YTHDF3: variants seen among roughly 807,000 people sequenced by gnomAD.
The protein encoded by YTHDF3 is YTH domain-containing family protein 3.
Under a neutral mutation model 52.5 loss-of-function variants are expected in YTHDF3, and 9 were observed. The ratio of observed to expected loss-of-function variants is 0.17; its 90% CI spans 0.10 to 0.30. The LOEUF is 0.30. Among genes scored for constraint, YTHDF3 ranks in the 10% least tolerant of loss-of-function variants. The pLI is 1.00. For missense variants in YTHDF3, 534 were observed against 715.0 expected (o/e 0.75, Z 2.89); for synonymous variants, 274 against 243.3 (o/e 1.13, Z -1.18).
At chr8:63,178,910 T>C (rs984486119) in intron 3 of YTHDF3, among the ~76,000 whole-genome samples, 1 of 152,224 alleles carries the variant, frequency 6.6e-6, no homozygotes, top group Non-Finnish European at 1.5e-5. Context: ...CTGGCAAATT[T>C]AGAGTTACAC....
chr8:63,205,362 A>G (rs1478327142), intron 4 of YTHDF3, among the ~76,000 whole-genome samples: 1 of 152,130 alleles, frequency 6.6e-6, no homozygotes, highest in African/African-American at 2.4e-5. Context: ...TGTTAACTAT[A>G]CAGTACCTCA....
chr8:63,211,762 A>C lies in YTHDF3; in HGVS notation c.*2056A>C, dbSNP rs1362762402. 6.6e-6 allele frequency: 1 copy of C among 152,610 alleles called. No individual in the cohort carries two copies. Among genetic ancestry groups the C allele is most frequent in the African/African-American group, 2.4e-5 (1 of 41,446 alleles). The allele number at this position is 152,610 out of a possible 1,614,324, so 9.5% of individuals were successfully genotyped here. A position where few individuals can be genotyped will look rare whatever the true frequency, so the allele number is the denominator to read the frequency against. On this transcript the variant is annotated 3_prime_UTR_variant, in exon 5 of 5. Transcript: ENST00000539294. ...TTGCAATAGACTCAGACATGCGAATAAATGTAATTGAGAGTCTATTCATGG... is the reference window on the plus strand; with the variant it reads ...TTGCAATAGACTCAGACATGCGAATCAATGTAATTGAGAGTCTATTCATGG...
intron 4 of YTHDF3, among the ~76,000 whole-genome samples, chr8:63,204,945 T>C (rs1809918829): frequency 6.6e-6 from 1 of 152,218 alleles, no homozygotes; most frequent in Non-Finnish European, 1.5e-5. Context: ...TGCGGTAGGC[T>C]CCTCTTAGGA....
intron 4 of YTHDF3, among the ~76,000 whole-genome samples, chr8:63,191,673 T>C (rs1249553495): frequency 1.3e-5 from 2 of 152,214 alleles, no homozygotes; most frequent in Non-Finnish European, 2.9e-5. Flanking sequence ...GCCCTCTCTC[T>C]CCCTCTCATT....
intron 4 of YTHDF3, among the ~76,000 whole-genome samples, chr8:63,204,549 A>G (rs939226210): frequency 2.0e-5 from 3 of 151,964 alleles, no homozygotes; most frequent in African/African-American, 7.2e-5. Context: ...TTTAGTAGAG[A>G]CGGGGTTTCT....
In YTHDF3 at chr8:63,208,858, T is replaced by G. The variant is rs77252752; in HGVS notation, c.1735-825T>G. On this transcript the variant is annotated intron_variant, in intron 4 of 4. Transcript: ENST00000539294. ...CTGAATTTGTCTAACACTCATCTTT[T>G]TTGTTGTTGTTGTTGTTGTTGTTGT... is the stretch of plus-strand genomic sequence containing the variant. Among the ~76,000 whole-genome samples the G allele has an allele frequency of 4.8e-4, 73 of 151,810 alleles. 2 individuals carry two copies. Among genetic ancestry groups the G allele is most frequent in the African/African-American group, 7.8e-4 (32 of 41,244 alleles).
Position 63,209,562 on chromosome 8 carries a change from A to T in YTHDF3, c.1735-121A>T, listed in dbSNP as rs920620168. On this transcript the variant is annotated intron_variant, in intron 4 of 4. Coordinates refer to ENST00000539294, the MANE Select transcript of YTHDF3 (RefSeq NM_152758.6). Reference sequence around the variant, plus strand: ...TTATCAATTGTTTTTAATTACTTGAATTAGTACTTGAACTTTATATGGAGA... The same window carrying T: ...TTATCAATTGTTTTTAATTACTTGATTTAGTACTTGAACTTTATATGGAGA... The T allele has an allele frequency of 5.2e-6, 5 of 952,972 alleles. No homozygotes were observed. The African/African-American group carries it at 8.4e-5, about 16-fold the overall frequency. 59.0% of individuals were successfully genotyped at this position (952,972 alleles called of 1,614,324 possible). A position where few individuals can be genotyped will look rare whatever the true frequency, so the allele number is the denominator to read the frequency against.
chr8:63,170,366 A>T (rs981507285), intron 2 of YTHDF3, among the ~76,000 whole-genome samples: 1 of 152,276 alleles, frequency 6.6e-6, no homozygotes, highest in Non-Finnish European at 1.5e-5. Context: ...TGCTATTGCA[A>T]ATTTGGTGAA....
chr8:63,203,591 C>T (rs1809787448), intron 4 of YTHDF3, among the ~76,000 whole-genome samples: 1 of 152,106 alleles, frequency 6.6e-6, no homozygotes, highest in Non-Finnish European at 1.5e-5. Flanking sequence ...TTTATTTAAA[C>T]TAAGAAATGA....
At chr8:63,184,482 G>A (rs1161581992) in intron 3 of YTHDF3, among the ~76,000 whole-genome samples, 1 of 152,230 alleles carries the variant, frequency 6.6e-6, no homozygotes, top group Non-Finnish European at 1.5e-5. Context: ...CTCATAGACA[G>A]TAGACAGTTA....
intron 2 of YTHDF3, among the ~76,000 whole-genome samples, chr8:63,174,868 G>A (rs1473404865): frequency 6.6e-6 from 1 of 152,142 alleles, no homozygotes; most frequent in Non-Finnish European, 1.5e-5. Flanking sequence ...TAACAAATTA[G>A]ATCGAAAATA....
intron 4 of YTHDF3, among the ~76,000 whole-genome samples, chr8:63,196,497 AG>A (rs1398730158): frequency 1.3e-5 from 2 of 151,338 alleles, no homozygotes; most frequent in African/African-American, 4.9e-5. Context: ...AGGAGGCGGA[AG>A]TTGCAGTGAG....
At chr8:63,181,559 C>T (rs560907849) in intron 3 of YTHDF3, among the ~76,000 whole-genome samples, 4 of 152,128 alleles carry the variant, frequency 2.6e-5, no homozygotes, top group African/African-American at 9.7e-5. Context: ...TTTATACAGA[C>T]GTGTACACAC....
chr8:63,184,336 T>G (rs559137071), intron 3 of YTHDF3, among the ~76,000 whole-genome samples: 34 of 152,354 alleles, frequency 2.2e-4, no homozygotes, highest in African/African-American at 6.7e-4. Flanking sequence ...AAGTCCAAGC[T>G]TTACTGGCAA....
At chr8:63,199,041 G>A (rs1809423543) in intron 4 of YTHDF3, among the ~76,000 whole-genome samples, 2 of 151,964 alleles carry the variant, frequency 1.3e-5, no homozygotes, top group Non-Finnish European at 1.5e-5. Flanking sequence ...AGATGATTGA[G>A]TTTTTACTGC....
At position 63,187,369 on chromosome 8, in the gene YTHDF3, G is replaced by A. The variant is rs764707405; in HGVS notation, c.1358G>A (p.Arg453His). ...AATAAGCGTTTGGATGCAGCTTACC[G>A]TTCCCTGAATGGGAAAGGCCCACTC... ...HGNKRLDAAY[R>H]SLNGKGPLYL... Residue 453 changes from arginine (R) to histidine (H), a missense_variant, in exon 4 of 5, where the codon CGT becomes CAT. By Grantham distance (29) the Arg-to-His change is conservative. Coordinates refer to ENST00000539294, the MANE Select transcript of YTHDF3 (RefSeq NM_152758.6). 9.3e-6 allele frequency: 15 copies of A among 1,613,874 alleles called. No individual in the cohort carries two copies. Among genetic ancestry groups the A allele is most frequent in the Middle Eastern group, 1.6e-4 (1 of 6,084 alleles).
intron 2 of YTHDF3, chr8:63,173,614 A>G (rs1455076803): frequency 1.0e-6 from 1 of 983,802 alleles, no homozygotes; most frequent in Non-Finnish European, 1.2e-6. Flanking sequence ...TTTTTTTTCA[A>G]GAAGTAATAG....
intron 4 of YTHDF3, among the ~76,000 whole-genome samples, chr8:63,200,166 G>A (rs1402054546): frequency 2.6e-5 from 4 of 152,144 alleles, no homozygotes. Context: ...TTTCTCAAGC[G>A]TTGTTGGACT....
At chr8:63,192,501 A>G (rs1808976708) in intron 4 of YTHDF3, among the ~76,000 whole-genome samples, 2 of 152,168 alleles carry the variant, frequency 1.3e-5, no homozygotes, top group South Asian at 4.1e-4. Context: ...CTGTCCCTTA[A>G]GTTTGAAACC....
Sources: allele counts gnomAD v4.1 joint callset (sites outside exome capture counted in the v4.1 genomes callset), GRCh38; gene constraint gnomAD v4.1.1; transcripts MANE v1.5; gene names NCBI Gene and HGNC (gene_info 2026-07-23, HGNC 2026-07-21).